GAS6: variants seen among roughly 807,000 people sequenced by gnomAD.
The protein encoded by GAS6 is growth arrest specific 6, also known as growth arrest-specific protein 6.
A neutral mutation model predicts 75.8 loss-of-function variants in GAS6; 41 were observed. The observed-to-expected ratio is 0.54, with a 90% CI of 0.42 to 0.70. The LOEUF (loss-of-function observed/expected upper bound fraction) is 0.70. GAS6 is among the 30% of genes least tolerant of loss of function. GAS6 has a pLI of 0.00. For missense variants in GAS6, 854 were observed against 940.2 expected, an observed-to-expected ratio of 0.91 and a Z score of 1.20; for synonymous variants, 432 against 412.6, an observed-to-expected ratio of 1.05 and a Z score of -0.57.
At position 113,842,447 on chromosome 13, in the gene GAS6, C is replaced by T. The variant is rs563211221; in HGVS notation, c.344-2597G>A. ...CAGGGATTCTGCATCAGCACAGCCG[C>T]CAGGAGCCGGCCGGGGCCCCATCCC... On this transcript the variant is annotated intron_variant, in intron 4 of 14. Coordinates refer to ENST00000327773, the MANE Select transcript of GAS6 (RefSeq NM_000820.4). 11 of 395,534 alleles carry T rather than the reference C, an allele frequency of 2.8e-5. No individual in the cohort carries two copies. The Admixed American group carries it at 3.1e-4, about 11-fold the overall frequency. 24.5% of individuals were successfully genotyped at this position (395,534 alleles called of 1,614,324 possible).
chr13:113,827,279 A>C, intron 11 of GAS6, 115 bp from the exon 12 acceptor site: 1 of 1,025,918 alleles, frequency 9.7e-7, no homozygotes, highest in Middle Eastern at 3.0e-4. Flanking sequence ...TACGGCAGAA[A>C]CGGGCCAGTC....
At chr13:113,846,676 G>A (rs1240010070) in intron 3 of GAS6, 87 bp from the exon 4 acceptor site, 5 of 1,090,284 alleles carry the variant, frequency 4.6e-6, no homozygotes, top group South Asian at 3.8e-5. Context: ...CTCTGGAGAG[G>A]CAGTTACTCT....
chr13:113,824,942 G>A (rs1362910138), intron 12 of GAS6, among the ~76,000 whole-genome samples: 2 of 152,188 alleles, frequency 1.3e-5, no homozygotes, highest in Admixed American at 1.3e-4. Flanking sequence ...CTCCCAGTCG[G>A]GCGTGGTGGC....
intron 10 of GAS6, among the ~76,000 whole-genome samples, chr13:113,830,254 G>A (rs2051613247): frequency 6.6e-6 from 1 of 152,162 alleles, no homozygotes; most frequent in South Asian, 2.1e-4. Flanking sequence ...TAGAGAGGGT[G>A]GAATTGGGGA....
intron 5 of GAS6, among the ~76,000 whole-genome samples, chr13:113,838,615 G>A (rs1325848164): frequency 2.9e-5 from 3 of 101,982 alleles, no homozygotes; most frequent in South Asian, 4.5e-4. Context: ...GAGCAGGGAG[G>A]GAGCCCGGGG....
chr13:113,860,432 C>T (rs889107671), intron 2 of GAS6, among the ~76,000 whole-genome samples: 10 of 152,184 alleles, frequency 6.6e-5, no homozygotes, highest in Non-Finnish European at 1.3e-4. Context: ...GGCAGTAGGG[C>T]TGGGCTGGGA....
intron 7 of GAS6, among the ~76,000 whole-genome samples, chr13:113,835,058 G>T (rs762913744): frequency 8.9e-4 from 135 of 152,344 alleles, no homozygotes; most frequent in Non-Finnish European, 1.6e-3. Flanking sequence ...GTCAGTGCAG[G>T]CAGCCTGGGC....
At chr13:113,842,354 C>T in intron 4 of GAS6, 1 of 384,822 alleles carries the variant, frequency 2.6e-6, no homozygotes, top group Non-Finnish European at 4.6e-6. Context: ...ACTATAAACG[C>T]TTTCTACTCT....
At chr13:113,843,134 C>A (rs1213660098) in intron 4 of GAS6, 1 of 320,974 alleles carries the variant, frequency 3.1e-6, no homozygotes, top group Non-Finnish European at 5.6e-6. Context: ...CTCTGCAGGC[C>A]CCCGAGGGCA....
At position 113,823,549 on chromosome 13, in the gene GAS6, C is replaced by A. The variant is rs761480661; in HGVS notation, c.1479G>T (p.Met493Ile). Residue 493 changes from methionine (M) to isoleucine (I), a missense_variant and splice_region_variant, in exon 13 of 15, where the codon ATG becomes ATT. Transcript: ENST00000327773. The part of the protein sequence containing the change: ...SGFAFYSLDY[M>I]RTPLDVGTES... ...CAGTCCCGACGTCCAGAGGGGTCCG[C>A]ACTGCAATGAAAGCGGTGCATTATA... 5.6e-6 allele frequency: 9 copies of A among 1,609,286 alleles called. No individual in the cohort carries two copies. The South Asian group carries it at 7.7e-5, about 14-fold the overall frequency.
chr13:113,841,233 C>T (rs908963159), intron 4 of GAS6: 1 of 152,376 alleles, frequency 6.6e-6, no homozygotes, highest in African/African-American at 2.4e-5. Context: ...CTGAGTTCCT[C>T]CAGCTCATCC....
intron 2 of GAS6, among the ~76,000 whole-genome samples, chr13:113,849,894 A>G (rs978660344): frequency 6.6e-6 from 1 of 152,248 alleles, no homozygotes; most frequent in Non-Finnish European, 1.5e-5. Context: ...ACTAGGGGAA[A>G]GATGGTTAAA....
chr13:113,835,297 G>A (rs1046073240), intron 7 of GAS6, among the ~76,000 whole-genome samples: 51 of 152,222 alleles, frequency 3.4e-4, no homozygotes, highest in Admixed American at 1.4e-3. Context: ...TGTGCGGTTC[G>A]TTCATGTGCA....
At chr13:113,849,854 G>A (rs1594207045) in intron 2 of GAS6, among the ~76,000 whole-genome samples, 1 of 152,290 alleles carries the variant, frequency 6.6e-6, no homozygotes, top group East Asian at 1.9e-4. Flanking sequence ...AGTAATGGAG[G>A]CAGAAAGCAT....
intron 13 of GAS6, chr13:113,823,084 C>T: frequency 2.8e-6 from 1 of 352,252 alleles, no homozygotes; most frequent in South Asian, 8.8e-5. Context: ...ATTCAGATTG[C>T]TGTGAGCCAC....
intron 4 of GAS6, chr13:113,842,478 C>T (rs2051796601): frequency 5.1e-6 from 2 of 395,820 alleles, no homozygotes; most frequent in South Asian, 2.8e-4. Context: ...ATCCCTGACA[C>T]TGCTGTCGCC....
intron 7 of GAS6, 26 bp from the exon 8 acceptor site, chr13:113,834,698 G>A: frequency 6.6e-7 from 1 of 1,513,704 alleles, no homozygotes; most frequent in Non-Finnish European, 8.9e-7. Flanking sequence ...AAGCGGCGGT[G>A]AGCCGGGGAG....
chr13:113,862,404 C>T (rs1340741643), intron 2 of GAS6, among the ~76,000 whole-genome samples: 1 of 152,182 alleles, frequency 6.6e-6, no homozygotes, highest in African/African-American at 2.4e-5. Flanking sequence ...AGCTGGGCGG[C>T]GACTCCGAGC....
At chr13:113,834,525 G>A (rs757761837) in intron 8 of GAS6, 26 bp downstream of exon 8, 171 of 1,512,286 alleles carry the variant, frequency 1.1e-4, no homozygotes, top group Non-Finnish European at 1.4e-4. Flanking sequence ...CACCGTGAAG[G>A]GCCCGCGGGG....
Sources: allele counts gnomAD v4.1 joint callset (sites outside exome capture counted in the v4.1 genomes callset), GRCh38; gene constraint gnomAD v4.1.1; transcripts MANE v1.5; gene names NCBI Gene and HGNC (gene_info 2026-07-23, HGNC 2026-07-21).